ELAPOR2: variants seen among roughly 807,000 people sequenced by gnomAD.
ELAPOR2 encodes endosome-lysosome associated apoptosis and autophagy regulator family member 2.
In ELAPOR2, 89 loss-of-function variants were observed where a neutral mutation model predicts 120.7. The observed-to-expected ratio is 0.74, with a 90% CI of 0.62 to 0.88. The LOEUF is 0.88. Among genes scored for constraint, ELAPOR2 ranks in the 40% least tolerant of loss-of-function variants. ELAPOR2 has a pLI of 0.00. For missense variants in ELAPOR2, 1,134 were observed against 1,251.6 expected (o/e 0.91, Z 1.42); for synonymous variants, 444 against 444.9 (o/e 1.00, Z 0.03).
At chr7:86,938,698 G>A in intron 7 of ELAPOR2, 110 bp downstream of exon 7, 3 of 1,027,744 alleles carry the variant, frequency 2.9e-6, no homozygotes, top group Non-Finnish European at 4.4e-6. Context: ...CCAGCACTTT[G>A]GTTTCAGGCA....
chr7:86,910,138 G>T, intron 15 of ELAPOR2, 137 bp from the exon 16 acceptor site: 1 of 637,600 alleles, frequency 1.6e-6, no homozygotes, highest in Non-Finnish European at 2.6e-6. Flanking sequence ...TCTGGTATGA[G>T]GCCTAGCCAC....
At chr7:87,055,249 G>A (rs1795225633) in intron 1 of ELAPOR2, among the ~76,000 whole-genome samples, 1 of 152,118 alleles carries the variant, frequency 6.6e-6, no homozygotes, top group Admixed American at 6.5e-5. Context: ...TCTTCTCAGG[G>A]AGGTTAAGAG....
intron 1 of ELAPOR2, among the ~76,000 whole-genome samples, chr7:87,058,691 T>C (rs1354474791): frequency 6.6e-6 from 1 of 152,176 alleles, no homozygotes; most frequent in Non-Finnish European, 1.5e-5. Flanking sequence ...GCATATTCAC[T>C]GTCTTTTCTA....
At chr7:87,017,211 T>G (rs183293757) in intron 1 of ELAPOR2, among the ~76,000 whole-genome samples, 163 of 152,258 alleles carry the variant, frequency 1.1e-3, no homozygotes, top group African/African-American at 3.6e-3. Context: ...TTAGATACAC[T>G]CCATTTTGGG....
chr7:86,960,225 T>C (rs1245307225), intron 2 of ELAPOR2, among the ~76,000 whole-genome samples: 1 of 152,190 alleles, frequency 6.6e-6, no homozygotes, highest in Non-Finnish European at 1.5e-5. Context: ...CCATTTGGTC[T>C]ATAAAGCTGT....
intron 1 of ELAPOR2, among the ~76,000 whole-genome samples, chr7:86,996,492 A>G (rs1793129293): frequency 6.6e-6 from 1 of 152,232 alleles, no homozygotes; most frequent in Non-Finnish European, 1.5e-5. Context: ...CAAGAAGAGT[A>G]TCATGAAATG....
intron 2 of ELAPOR2, among the ~76,000 whole-genome samples, chr7:86,959,820 T>C (rs975807012): frequency 2.0e-5 from 3 of 152,378 alleles, no homozygotes; most frequent in African/African-American, 7.2e-5. Context: ...AATGTTAGGC[T>C]GCTTGAAATA....
chr7:87,046,058 A>G (rs1412562951), intron 1 of ELAPOR2, among the ~76,000 whole-genome samples: 1 of 152,096 alleles, frequency 6.6e-6, no homozygotes, highest in Non-Finnish European at 1.5e-5. Context: ...AAAAACCTAA[A>G]GACTCCACCA....
chr7:86,958,749 C>T (rs980000202), intron 2 of ELAPOR2, among the ~76,000 whole-genome samples: 1 of 152,192 alleles, frequency 6.6e-6, no homozygotes, highest in Non-Finnish European at 1.5e-5. Flanking sequence ...AGAGAATTAA[C>T]ATACATGGCT....
In ELAPOR2 at chr7:86,918,436, A is replaced by G. The variant is rs1789668952; in HGVS notation, c.1593+6T>C. 1.3e-6 allele frequency: 2 copies of G among 1,594,606 alleles called. No individual in the cohort carries two copies. Among genetic ancestry groups the G allele is most frequent in the South Asian group, 1.1e-5 (1 of 90,264 alleles). ...ATCTGCCTTTGAAAGCCGCCCGTCC[A>G]CTTACCACCATGAAGTACAAAACAC... is the stretch of plus-strand genomic sequence containing the variant. On this transcript the variant is annotated splice_donor_region_variant and intron_variant, in intron 12 of 21. Transcript: ENST00000450689.
At chr7:86,978,877 A>G (rs1229757982) in intron 1 of ELAPOR2, among the ~76,000 whole-genome samples, 2 of 152,236 alleles carry the variant, frequency 1.3e-5, no homozygotes, top group Admixed American at 6.5e-5. Flanking sequence ...AATAATGACT[A>G]TAACTGTATA....
At chr7:87,024,206 T>C (rs1794164770) in intron 1 of ELAPOR2, among the ~76,000 whole-genome samples, 1 of 152,198 alleles carries the variant, frequency 6.6e-6, no homozygotes, top group Non-Finnish European at 1.5e-5. Flanking sequence ...GAGTTTGTCG[T>C]AGATAGCTCT....
At chr7:86,940,184 A>T (rs2116337401) in intron 5 of ELAPOR2, 69 bp from the exon 6 acceptor site, 1 of 888,774 alleles carries the variant, frequency 1.1e-6, no homozygotes, top group East Asian at 2.5e-5. Context: ...ACTCCCTTAC[A>T]TACTTTTTCA....
At position 87,059,489 on chromosome 7, in the gene ELAPOR2, C is replaced by T. The variant is rs943874066; in HGVS notation, c.25G>A (p.Val9Ile). 1.7e-6 allele frequency: 2 copies of T among 1,207,674 alleles called. No homozygotes were observed. The highest frequency in any genetic ancestry group is 2.1e-6 in the Non-Finnish European group (2 of 971,508). The allele number at this position is 1,207,674 out of a possible 1,614,324, so 74.8% of individuals were successfully genotyped here. MLFRARGP[V>I]RGRGWGRPAE... ...GGCCGCCCCCAGCCCCTGCCCCGTA[C>T]CGGCCCCCGGGCGCGGAACAGCATC... Residue 9 changes from valine (V) to isoleucine (I), a missense_variant, in exon 1 of 22, where the codon GTA becomes ATA. By Grantham distance (29) the Val-to-Ile change is conservative. Around this residue, in one of 3 missense-constraint regions of ELAPOR2, gnomAD observed 280 missense variants for 331.5 expected, o/e 0.84. Coordinates refer to ENST00000450689, the MANE Select transcript of ELAPOR2 (RefSeq NM_001142749.3).
At chr7:87,018,768 T>G (rs1413117313) in intron 1 of ELAPOR2, among the ~76,000 whole-genome samples, 1 of 152,250 alleles carries the variant, frequency 6.6e-6, no homozygotes, top group Non-Finnish European at 1.5e-5. Context: ...TCTTGTGATA[T>G]GTGTCTGTCT....
intron 8 of ELAPOR2, among the ~76,000 whole-genome samples, chr7:86,928,434 T>C (rs1790174887): frequency 1.3e-5 from 2 of 152,032 alleles, no homozygotes; most frequent in Admixed American, 1.3e-4. Context: ...ATTTTGACAT[T>C]AATACAAATG....
Position 86,889,406 on chromosome 7 carries a change from T to TC in ELAPOR2, c.3030+2317dup, listed in dbSNP as rs1212660733. On this transcript the variant is annotated intron_variant, in intron 21 of 21. Transcript: ENST00000450689. ...CTATTCCCAGGGGATACATTCCAAC[T>TC]CCCCCCCAGCTCCAGTGGATGCCTG... Among the ~76,000 whole-genome samples the TC allele has an allele frequency of 4.8e-5, 7 of 147,192 alleles. No individual in the cohort carries two copies. The East Asian group carries it at 6.0e-4, about 13-fold the overall frequency.
intron 1 of ELAPOR2, among the ~76,000 whole-genome samples, chr7:86,996,062 G>C (rs572996512): frequency 1.3e-5 from 2 of 152,166 alleles, no homozygotes. Context: ...GCAAATGTGA[G>C]GGAATTGAAG....
intron 3 of ELAPOR2, among the ~76,000 whole-genome samples, chr7:86,947,309 C>T (rs1418135369): frequency 6.6e-6 from 1 of 152,108 alleles, no homozygotes; most frequent in African/African-American, 2.4e-5. Context: ...AAGGCGCTTT[C>T]CACCTTAGGT....
Sources: gnomAD v4.1 joint callset for allele counts (sites outside exome capture counted in the v4.1 genomes callset) on GRCh38, gnomAD v4.1.1 for gene constraint, gnomAD v4.1.1 regional missense constraint, MANE v1.5 for transcripts, NCBI Gene and HGNC (gene_info 2026-07-23, HGNC 2026-07-21) for gene names.